Variants in CDHR3 observed in about 807,000 individuals in gnomAD.
CDHR3 encodes the protein cadherin-related family member 3.
In CDHR3, 79 loss-of-function variants were observed where a neutral mutation model predicts 86.6. The observed-to-expected ratio is 0.91, with a 90% confidence interval of 0.76 to 1.10. CDHR3 has a LOEUF of 1.10. Among genes scored for constraint, CDHR3 ranks in the 50% least tolerant of loss-of-function variants. CDHR3 has a pLI of 0.00. For missense variants in CDHR3, 1,081 were observed against 1,077.6 expected (o/e 1.00, Z -0.04); for synonymous variants, 421 against 402.4 (o/e 1.05, Z -0.55).
At chr7:105,982,214 A>T (rs971909759) in intron 3 of CDHR3, among the ~76,000 whole-genome samples, 1 of 152,144 alleles carries the variant, frequency 6.6e-6, no homozygotes, top group East Asian at 1.9e-4. Flanking sequence ...CACGCCTGTA[A>T]TCTCAGCACT....
intron 7 of CDHR3, among the ~76,000 whole-genome samples, chr7:106,002,597 C>T (rs1833365663): frequency 6.6e-6 from 1 of 152,130 alleles, no homozygotes; most frequent in African/African-American, 2.4e-5. Flanking sequence ...AATCCCATCA[C>T]CTTTTTCTCA....
At chr7:105,996,439 A>G in intron 6 of CDHR3, 85 bp downstream of exon 6, 1 of 686,528 alleles carries the variant, frequency 1.5e-6, no homozygotes, top group Non-Finnish European at 2.5e-6. Context: ...ATTTAATACA[A>G]GGCAGAGGGA....
intron 9 of CDHR3, among the ~76,000 whole-genome samples, chr7:106,014,473 T>C (rs1385906061): frequency 6.6e-6 from 1 of 152,184 alleles, no homozygotes; most frequent in African/African-American, 2.4e-5. Flanking sequence ...AAAAGTTATG[T>C]GACACTGGGC....
At chr7:106,026,027 G>A (rs1486965519) in intron 15 of CDHR3, among the ~76,000 whole-genome samples, 1 of 152,124 alleles carries the variant, frequency 6.6e-6, no homozygotes, top group East Asian at 1.9e-4. Context: ...CCTTGAACCT[G>A]GTTCTTTTAA....
chr7:106,014,818 G>A (rs1455311593), intron 9 of CDHR3, among the ~76,000 whole-genome samples: 1 of 152,170 alleles, frequency 6.6e-6, no homozygotes, highest in Non-Finnish European at 1.5e-5. Context: ...ATTCAATTTT[G>A]TGCTTTTCTT....
chr7:105,996,150 G>C, intron 5 of CDHR3, 100 bp from the exon 6 acceptor site: 1 of 661,958 alleles, frequency 1.5e-6, no homozygotes. Context: ...CAAAGGGGCA[G>C]GGTCTGCTCT....
intron 12 of CDHR3, among the ~76,000 whole-genome samples, chr7:106,020,048 T>G (rs977952722): frequency 4.0e-5 from 6 of 148,544 alleles, no homozygotes; most frequent in African/African-American, 1.2e-4. Context: ...TGTGTGTGTG[T>G]GGGGGGGGGG....
Position 106,004,502 on chromosome 7 carries a change from T to C in CDHR3, c.867T>C (p.Thr289=), listed in dbSNP as rs201437623. The C allele has an allele frequency of 1.2e-6, 2 of 1,613,836 alleles. No individual in the cohort carries two copies. Among genetic ancestry groups the C allele is most frequent in the East Asian group, 2.2e-5 (1 of 44,884 alleles). Residue 289 remains threonine, a synonymous_variant, in exon 8 of 19, where the codon ACT becomes ACC. Transcript: ENST00000317716. ...VSKYFMINQL[T]GTIQVAQRID... is the part of the protein sequence containing the mutation. ...TTCTAACCTTTGCTTTCTCAGTGAC[T>C]GGTACAATCCAAGTGGCCCAAAGGA... is the stretch of plus-strand genomic sequence containing the variant.
chr7:106,026,573 C>A, intron 15 of CDHR3, 109 bp from the exon 16 acceptor site: 2 of 1,130,518 alleles, frequency 1.8e-6, no homozygotes, highest in South Asian at 2.5e-5. Context: ...TTTCAGTCAA[C>A]CCCTGTATCT....
chr7:106,027,132 C>T (rs1193061538), intron 16 of CDHR3, among the ~76,000 whole-genome samples: 1 of 152,310 alleles, frequency 6.6e-6, no homozygotes, highest in East Asian at 1.9e-4. Flanking sequence ...CGCAGTGACT[C>T]ACGCCTGTAA....
intron 2 of CDHR3, among the ~76,000 whole-genome samples, chr7:105,980,155 T>G (rs188592026): frequency 6.6e-6 from 1 of 152,268 alleles, no homozygotes; most frequent in Admixed American, 6.5e-5. Context: ...CTTACGCAGA[T>G]GTATCTTTCA....
chr7:106,019,221 A>G (rs1836152096), intron 12 of CDHR3, among the ~76,000 whole-genome samples: 1 of 152,116 alleles, frequency 6.6e-6, no homozygotes. Flanking sequence ...CCGTGTCCAT[A>G]TTTCTCTATC....
intron 8 of CDHR3, among the ~76,000 whole-genome samples, chr7:106,006,923 G>A (rs1288795226): frequency 2.0e-5 from 3 of 152,208 alleles, no homozygotes; most frequent in African/African-American, 7.2e-5. Flanking sequence ...TCTCCATGAG[G>A]GGCCACCCCT....
intron 17 of CDHR3, 58 bp downstream of exon 17, chr7:106,028,640 C>T: frequency 1.3e-6 from 2 of 1,592,050 alleles, no homozygotes; most frequent in Non-Finnish European, 1.7e-6. Context: ...GGGCTCCCGT[C>T]TCCCCCGAAG....
chr7:106,017,130 T>C (rs752112317), intron 11 of CDHR3, among the ~76,000 whole-genome samples: 9 of 152,252 alleles, frequency 5.9e-5, no homozygotes, highest in Non-Finnish European at 1.3e-4. Flanking sequence ...GAGCAATTCA[T>C]GCTCATTATA....
At position 106,001,524 on chromosome 7, in the gene CDHR3, C is replaced by T; in HGVS notation, c.776C>T (p.Thr259Ile). 1 of 1,614,020 alleles carries T rather than the reference C, an allele frequency of 6.2e-7. No individual in the cohort carries two copies. Among genetic ancestry groups the T allele is most frequent in the South Asian group, 1.1e-5 (1 of 91,076 alleles). The part of the protein sequence containing the change: ...LSPGTIVANI[T>I]AEDPDDEGFP... ...CCAGGAACCATCGTGGCCAATATCA[C>T]AGCGGAGGATCCTGATGATGAAGGT... Residue 259 changes from threonine (T) to isoleucine (I), a missense_variant, in exon 7 of 19, where the codon ACA becomes ATA. Coordinates refer to ENST00000317716, the MANE Select transcript of CDHR3 (RefSeq NM_152750.5).
In CDHR3 at chr7:106,029,548, G is replaced by GTCTCTCTCTCTCTC. The variant is rs59823993; in HGVS notation, c.2304+984_2304+997dup. ...GGAAAGTTCCCTCTCCTCCACCTCT[G>GTCTCTCTCTCTCTC]TCTCTCTCTCTCTCTCTCTCTCTCT... On this transcript the variant is annotated intron_variant, in intron 17 of 18. Transcript: ENST00000317716. 6.8e-3 allele frequency among the ~76,000 whole-genome samples: 998 copies of GTCTCTCTCTCTCTC among 147,138 alleles called. 9 individuals are homozygous for GTCTCTCTCTCTCTC. The highest frequency in any genetic ancestry group is 0.023 in the African/African-American group (933 of 39,962).
At chr7:105,994,695 TG>T in intron 4 of CDHR3, 55 bp from the exon 5 acceptor site, 1 of 1,165,526 alleles carries the variant, frequency 8.6e-7, no homozygotes, top group Non-Finnish European at 1.3e-6. Context: ...ACACATCTTC[TG>T]GGGAAGGGTG....
chr7:105,976,745 A>G (rs1828871162), intron 2 of CDHR3, among the ~76,000 whole-genome samples: 1 of 152,180 alleles, frequency 6.6e-6, no homozygotes, highest in African/African-American at 2.4e-5. Context: ...CCCTTAGCAT[A>G]AGGTTCCAAG....
Sources: allele counts gnomAD v4.1 joint callset (sites outside exome capture counted in the v4.1 genomes callset), GRCh38; gene constraint gnomAD v4.1.1; transcripts MANE v1.5; gene names NCBI Gene and HGNC (gene_info 2026-07-23, HGNC 2026-07-21).